Variants in ZNF438 observed in about 807,000 individuals in gnomAD.
The protein encoded by ZNF438 is zinc finger protein 438.
In ZNF438, 25 loss-of-function variants were observed where a neutral mutation model predicts 38.0. The observed-to-expected ratio is 0.66, with a 90% CI of 0.48 to 0.92. The LOEUF (loss-of-function observed/expected upper bound fraction) is 0.92. Ranked by LOEUF, ZNF438 falls within the 40% of genes least tolerant of loss-of-function variation. The probability of loss-of-function intolerance (pLI) is 0.00; values close to 1 mark genes in which losing one functional copy is unlikely to be tolerated. For missense variants in ZNF438, 1,007 were observed against 999.6 expected, an observed-to-expected ratio of 1.01 and a Z score of -0.10; for synonymous variants, 372 against 364.1, an observed-to-expected ratio of 1.02 and a Z score of -0.25.
chr10:30,968,546 C>T (rs2050398606), intron 1 of ZNF438, among the ~76,000 whole-genome samples: 2 of 147,150 alleles, frequency 1.4e-5, no homozygotes, highest in South Asian at 2.1e-4. Context: ...CGGGTTCAAG[C>T]GATTCTCCTG....
chr10:31,030,000 AC>A (rs1176110182), intron 1 of ZNF438, among the ~76,000 whole-genome samples: 1 of 152,158 alleles, frequency 6.6e-6, no homozygotes, highest in African/African-American at 2.4e-5. Context: ...CAAATTCTTA[AC>A]CTTTCTGTGT....
Position 30,856,960 on chromosome 10 carries a change from A to G in ZNF438, c.38-6593T>C, listed in dbSNP as rs144847339. 2.6e-5 allele frequency among the ~76,000 whole-genome samples: 4 copies of G among 152,322 alleles called. No homozygotes were observed. The East Asian group carries it at 5.8e-4, about 22-fold the overall frequency. On this transcript the variant is annotated intron_variant, in intron 4 of 5. Coordinates refer to ENST00000413025, the Ensembl canonical transcript of ZNF438. The stretch of plus-strand genomic sequence containing the variant: ...GAGCCCTTATTATGGTCTAGAATTA[A>G]TGCTAGGTCTTTTAATTAAATCTTC...
chr10:30,895,206 A>T (rs1192333515), intron 3 of ZNF438, among the ~76,000 whole-genome samples: 2 of 152,170 alleles, frequency 1.3e-5, no homozygotes, highest in Non-Finnish European at 2.9e-5. Context: ...ATATTTGCCC[A>T]TGTCCCCACA....
chr10:30,996,830 A>C (rs1166099756), intron 1 of ZNF438, among the ~76,000 whole-genome samples: 1 of 152,170 alleles, frequency 6.6e-6, no homozygotes, highest in African/African-American at 2.4e-5. Flanking sequence ...TAAAGAGATT[A>C]ATCACACAAA....
At chr10:30,921,500 A>G (rs981330358) in intron 2 of ZNF438, among the ~76,000 whole-genome samples, 1 of 152,138 alleles carries the variant, frequency 6.6e-6, no homozygotes, top group Non-Finnish European at 1.5e-5. Flanking sequence ...CTTTATAAAT[A>G]TCTTGACCTA....
chr10:31,019,666 T>C (rs1004945185), intron 1 of ZNF438, among the ~76,000 whole-genome samples: 5 of 152,210 alleles, frequency 3.3e-5, no homozygotes, highest in African/African-American at 1.2e-4. Flanking sequence ...TCACAGAAAG[T>C]GAAGTTAAGT....
At chr10:30,938,574 C>T (rs1250691492) in intron 2 of ZNF438, among the ~76,000 whole-genome samples, 2 of 152,154 alleles carry the variant, frequency 1.3e-5, no homozygotes, top group Non-Finnish European at 2.9e-5. Context: ...CCATGCCTGG[C>T]CTAGCTCTAG....
intron 1 of ZNF438, among the ~76,000 whole-genome samples, chr10:30,957,611 T>C (rs2049004696): frequency 6.6e-6 from 1 of 152,210 alleles, no homozygotes; most frequent in Admixed American, 6.5e-5. Flanking sequence ...TTTCAGAGGA[T>C]GTCCTTTCCC....
At chr10:30,866,507 T>C (rs1342882485) in intron 4 of ZNF438, among the ~76,000 whole-genome samples, 2 of 152,230 alleles carry the variant, frequency 1.3e-5, no homozygotes, top group Non-Finnish European at 2.9e-5. Context: ...CACCAGGAAC[T>C]TGAAGTTTCC....
intron 4 of ZNF438, among the ~76,000 whole-genome samples, chr10:30,867,204 T>C (rs2036590657): frequency 6.6e-6 from 1 of 152,186 alleles, no homozygotes; most frequent in African/African-American, 2.4e-5. Context: ...TATGTCAACA[T>C]ATACAACATC....
At chr10:30,918,324 T>C (rs1315753543) in intron 2 of ZNF438, among the ~76,000 whole-genome samples, 2 of 152,194 alleles carry the variant, frequency 1.3e-5, no homozygotes, top group African/African-American at 4.8e-5. Context: ...CGTGGATTTA[T>C]GCTAGGGATT....
chr10:31,028,562 T>A (rs1190933747), intron 1 of ZNF438, among the ~76,000 whole-genome samples: 1 of 152,144 alleles, frequency 6.6e-6, no homozygotes, highest in South Asian at 2.1e-4. Context: ...GCCCTTTTCA[T>A]GCCCCATCTC....
chr10:30,847,157 C>T (rs2032363813), intron 5 of ZNF438, among the ~76,000 whole-genome samples: 1 of 152,188 alleles, frequency 6.6e-6, no homozygotes, highest in Non-Finnish European at 1.5e-5. Context: ...GAAGCCCCAC[C>T]TTCAAGCCAG....
At chr10:30,908,753 G>A (rs564059382) in intron 3 of ZNF438, among the ~76,000 whole-genome samples, 180 bp downstream of exon 4, 5 of 152,104 alleles carry the variant, frequency 3.3e-5, no homozygotes, top group Non-Finnish European at 7.4e-5. Context: ...AGCGCTTTCT[G>A]AAAGAAATAT....
At chr10:30,972,186 G>C (rs997962910) in intron 1 of ZNF438, among the ~76,000 whole-genome samples, 1 of 152,088 alleles carries the variant, frequency 6.6e-6, no homozygotes, top group Non-Finnish European at 1.5e-5. Context: ...AGCCAGGATG[G>C]TCTCAATCTC....
intron 2 of ZNF438, among the ~76,000 whole-genome samples, chr10:30,937,239 C>T (rs2046349589): frequency 1.3e-5 from 2 of 152,186 alleles, no homozygotes; most frequent in Non-Finnish European, 2.9e-5. Context: ...AGAGTAAGAA[C>T]AGGTGCTGTA....
chr10:30,907,788 T>A (rs1023091327), intron 3 of ZNF438, among the ~76,000 whole-genome samples: 4 of 152,114 alleles, frequency 2.6e-5, no homozygotes, highest in Non-Finnish European at 5.9e-5. Flanking sequence ...TTTGCTTTTA[T>A]TGATTTTCTC....
At chr10:30,849,072 G>A (rs752750803) in exon 5 of ZNF438, 2 of 1,614,062 alleles carry the variant, frequency 1.2e-6, no homozygotes, top group South Asian at 2.2e-5. Context: ...GCCAAAGTGG[G>A]TATGACCATG....
chr10:31,015,196 A>G (rs867113757), intron 1 of ZNF438, among the ~76,000 whole-genome samples: 19 of 152,170 alleles, frequency 1.2e-4, no homozygotes, highest in African/African-American at 4.3e-4. Flanking sequence ...TGTCATTATC[A>G]TAGCTGTCTT....
Sources: gnomAD v4.1 joint callset for allele counts (sites outside exome capture counted in the v4.1 genomes callset) on GRCh38, gnomAD v4.1.1 for gene constraint, MANE v1.5 for transcripts, NCBI Gene and HGNC (gene_info 2026-07-23, HGNC 2026-07-21) for gene names.